CFAP46: variants seen among roughly 807,000 people sequenced by gnomAD.
CFAP46 encodes cilia- and flagella-associated protein 46.
Under a neutral mutation model 325.7 loss-of-function variants are expected in CFAP46, and 245 were observed. That is an observed-to-expected ratio of 0.75 (90% CI 0.68 to 0.84). The LOEUF (loss-of-function observed/expected upper bound fraction) is 0.84. Among genes scored for constraint, CFAP46 ranks in the 40% least tolerant of loss-of-function variants. The pLI is 0.00. For missense variants in CFAP46, 3,346 were observed against 3,543.0 expected (o/e 0.94, Z 1.41); for synonymous variants, 1,523 against 1,495.9 (o/e 1.02, Z -0.42).
rs1848980642 is a variant in CFAP46, at chr10:132,877,952, T to A, written c.4141A>T (p.Lys1381Ter). Residue 1381 changes from lysine to a stop codon, truncating the protein, a stop_gained, in exon 30 of 58, where the codon AAG becomes TAG. Transcript: ENST00000368586. LOFTEE classifies it high-confidence loss of function. This position sits in a 1 kb window ranked among gnomAD's most constrained non-coding sequence, Gnocchi z 5.7. Reference protein sequence around the residue: ...KEKEKERSKEKENERSKEKDK... With the variant: ...KEKEKERSKE The stretch of plus-strand genomic sequence containing the variant: ...TTCTCTTTACTCCTCTCATTCTCCT[T>A]CTCTTTACTCCTCTCCTTCTCCTTC... The A allele has an allele frequency of 6.5e-7, 1 of 1,548,970 alleles. No individual in the cohort carries two copies. Among genetic ancestry groups the A allele is most frequent in the African/African-American group, 1.4e-5 (1 of 72,242 alleles).
chr10:132,928,899 C>T (rs571669452), intron 9 of CFAP46, among the ~76,000 whole-genome samples: 8 of 152,200 alleles, frequency 5.3e-5, no homozygotes, highest in Non-Finnish European at 7.3e-5. Flanking sequence ...AATACTCTAA[C>T]GTGTATTCTT....
At position 132,886,010 on chromosome 10, in the gene CFAP46, A is replaced by C. The variant is rs1309785332; in HGVS notation, c.3305-51T>G. 1.3e-6 allele frequency: 2 copies of C among 1,538,340 alleles called. No homozygotes were observed. Among genetic ancestry groups the C allele is most frequent in the Non-Finnish European group, 1.8e-6 (2 of 1,138,674 alleles). On this transcript the variant is annotated intron_variant, in intron 25 of 57. Transcript: ENST00000368586. This position sits in a 1 kb window ranked among gnomAD's most constrained non-coding sequence, Gnocchi z 5.8. Reference sequence around the variant, plus strand: ...TTGGAGCCGCCTGATCCCTCATCAAAGGCGCCCTCGGACCTCCCAGACTAA... The same window carrying C: ...TTGGAGCCGCCTGATCCCTCATCAACGGCGCCCTCGGACCTCCCAGACTAA...
intron 22 of CFAP46, 111 bp from the exon 23 acceptor site, chr10:132,899,777 G>C: frequency 8.1e-7 from 1 of 1,238,888 alleles, no homozygotes; most frequent in Non-Finnish European, 1.1e-6. Context: ...TCTAAGATGG[G>C]GCACCTCCTG....
rs1017195741 is a variant in CFAP46, at chr10:132,877,245, C to T, written c.4213-284G>A. On this transcript the variant is annotated intron_variant, in intron 30 of 57. Coordinates refer to ENST00000368586, the MANE Select transcript of CFAP46 (RefSeq NM_001200049.3). The surrounding 1 kb of genome is among the most constrained non-coding windows in gnomAD (Gnocchi z 5.7). ...CTGCAGCCTCTGCCTCCTGCGTCTC[C>T]CCTCAGTGACAGCTGGCTGGTGAGC... Among the ~76,000 whole-genome samples, 8 of 152,156 alleles carry T rather than the reference C, an allele frequency of 5.3e-5. No homozygotes were observed. The highest frequency in any genetic ancestry group is 7.4e-5 in the Non-Finnish European group (5 of 68,014).
At chr10:132,874,307 A>G (rs904370804) in intron 31 of CFAP46, among the ~76,000 whole-genome samples, 18 of 152,148 alleles carry the variant, frequency 1.2e-4, no homozygotes, top group Non-Finnish European at 2.5e-4. Flanking sequence ...TGTGATAATC[A>G]TTAGAAAGAA....
At chr10:132,854,375 C>T (rs1829973726) in intron 39 of CFAP46, among the ~76,000 whole-genome samples, 1 of 149,270 alleles carries the variant, frequency 6.7e-6, no homozygotes, top group Non-Finnish European at 1.5e-5. Context: ...TTCGCTCTGT[C>T]GCCCAGGCTG....
chr10:132,915,916 G>A (rs555589205), intron 17 of CFAP46, among the ~76,000 whole-genome samples: 1 of 152,068 alleles, frequency 6.6e-6, no homozygotes, highest in East Asian at 1.9e-4. Context: ...TAAAATTCTT[G>A]TCAATTAAAA....
rs1423283291 is a variant in CFAP46, at chr10:132,828,259, CT to C, written c.7117+5098del. Among the ~76,000 whole-genome samples, 2 of 152,364 alleles carry C rather than the reference CT, an allele frequency of 1.3e-5. No homozygotes were observed. The highest frequency in any genetic ancestry group is 2.9e-5 in the Non-Finnish European group (2 of 68,042). ...GCGGCATACAACAGGCCTGCTTTAA[CT>C]TCTTAAGAAACTGCCAAACTGTCTT... On this transcript the variant is annotated intron_variant, in intron 50 of 57. Transcript: ENST00000368586. This position sits in a 1 kb window ranked among gnomAD's most constrained non-coding sequence, Gnocchi z 4.9.
chr10:132,879,744 A>C (rs140380839), intron 28 of CFAP46, 113 bp from the exon 29 acceptor site: 11,911 of 1,100,276 alleles, frequency 0.011, 150 homozygotes, highest in Middle Eastern at 0.05. Flanking sequence ...CCTCGCGGAC[A>C]CCCGGTGCTC....
At chr10:132,855,221 G>A (rs1463408513) in intron 39 of CFAP46, among the ~76,000 whole-genome samples, 1 of 152,190 alleles carries the variant, frequency 6.6e-6, no homozygotes, top group Non-Finnish European at 1.5e-5. Context: ...ATTAGCTACA[G>A]AAATGTTTGC....
At chr10:132,816,659 G>A (rs1847702004) in intron 50 of CFAP46, among the ~76,000 whole-genome samples, 1 of 152,198 alleles carries the variant, frequency 6.6e-6, no homozygotes, top group South Asian at 2.1e-4. Context: ...ATCAGATGCT[G>A]AGCTTCTGAA....
intron 7 of CFAP46, among the ~76,000 whole-genome samples, chr10:132,935,681 T>C (rs1591101211): frequency 1.9e-5 from 2 of 106,008 alleles, no homozygotes; most frequent in African/African-American, 4.2e-5. Flanking sequence ...ATCTCCTCAC[T>C]CCCCTCACAT....
chr10:132,824,856 G>A (rs1848006230), intron 50 of CFAP46, among the ~76,000 whole-genome samples: 1 of 143,286 alleles, frequency 7.0e-6, no homozygotes, highest in Non-Finnish European at 1.5e-5. Flanking sequence ...GCTGATGTGT[G>A]TGTGTGCTGA....
chr10:132,935,192 C>T (rs894791680), intron 7 of CFAP46, among the ~76,000 whole-genome samples: 1 of 152,112 alleles, frequency 6.6e-6, no homozygotes, highest in African/African-American at 2.4e-5. Context: ...CCTGGGCCAG[C>T]ATTGCTCTCT....
intron 21 of CFAP46, 67 bp from the exon 22 acceptor site, chr10:132,908,701 C>G: frequency 6.9e-7 from 1 of 1,458,678 alleles, no homozygotes; most frequent in Non-Finnish European, 9.1e-7. Context: ...GCCTGCAGCC[C>G]CCACGGACCA....
At chr10:132,901,330 G>T (rs59693592) in intron 22 of CFAP46, among the ~76,000 whole-genome samples, 9,862 of 152,238 alleles carry the variant, frequency 0.065, 1,069 homozygotes, top group African/African-American at 0.22. Context: ...CTTTCCTTTT[G>T]ACTTACATGT....
chr10:132,923,674 G>A (rs952782341), intron 11 of CFAP46, among the ~76,000 whole-genome samples: 4 of 152,214 alleles, frequency 2.6e-5, no homozygotes, highest in Non-Finnish European at 5.9e-5. Context: ...AGCAGTTCTA[G>A]ACACAGCTGA....
At position 132,892,356 on chromosome 10, in the gene CFAP46, G is replaced by A. The variant is rs1313846829; in HGVS notation, c.3281C>T (p.Thr1094Met). ...ACCTGGAAGAAAATATCCTTCGGTC[G>A]TCCCGCCACCCTGGAAGTCGGCCGT... Reference protein sequence around the residue: ...WPTADFQGGGTTEGYFLPGAE... With the variant: ...WPTADFQGGGMTEGYFLPGAE... Residue 1094 changes from threonine (T) to methionine (M), a missense_variant, in exon 25 of 58, where the codon ACG (threonine) becomes ATG (methionine). Physicochemically the swap from Thr to Met is moderately conservative, Grantham distance 81. Coordinates refer to ENST00000368586, the MANE Select transcript of CFAP46 (RefSeq NM_001200049.3). The A allele has an allele frequency of 1.3e-5, 20 of 1,550,658 alleles. No homozygotes were observed. The East Asian group carries it at 1.7e-4, about 13-fold the overall frequency.
chr10:132,908,160 C>A (rs1027741095), intron 22 of CFAP46, among the ~76,000 whole-genome samples: 6 of 152,246 alleles, frequency 3.9e-5, no homozygotes, highest in African/African-American at 1.4e-4. Flanking sequence ...GCCGGCAGGA[C>A]GGAGGCTGCC....
Sources: gnomAD v4.1 joint callset for allele counts (sites outside exome capture counted in the v4.1 genomes callset) on GRCh38, gnomAD v4.1.1 for gene constraint, Gnocchi (gnomAD v3.1) non-coding constraint, MANE v1.5 for transcripts, NCBI Gene and HGNC (gene_info 2026-07-23, HGNC 2026-07-21) for gene names.